The following POU2F1 variants were observed in gnomAD, a reference collection of about 807,000 sequenced individuals.
The protein encoded by POU2F1 is POU class 2 homeobox 1, also known as POU domain, class 2, transcription factor 1.
POU2F1 carries 16 observed loss-of-function variants against 84.9 expected under a neutral mutation model. That is an observed-to-expected ratio of 0.19 (90% CI 0.13 to 0.29). The LOEUF is 0.29. POU2F1 is among the 10% of genes least tolerant of loss of function. The probability of loss-of-function intolerance (pLI) is 1.00; values close to 1 mark genes in which losing one functional copy is unlikely to be tolerated. For synonymous variants in POU2F1, 368 were observed against 368.3 expected (o/e 1.00, Z 0.01); for missense variants, 738 against 942.6 (o/e 0.78, Z 2.84).
chr1:167,238,858 A>C (rs1338462287), intron 1 of POU2F1, among the ~76,000 whole-genome samples: 1 of 152,182 alleles, frequency 6.6e-6, no homozygotes, highest in African/African-American at 2.4e-5. Context: ...AGGTAGAGTG[A>C]TAAGATTTTC....
chr1:167,233,202 C>T (rs775088833), intron 1 of POU2F1, among the ~76,000 whole-genome samples: 1 of 150,126 alleles, frequency 6.7e-6, no homozygotes, highest in Non-Finnish European at 1.5e-5. Context: ...GTGGTGCAGT[C>T]ACAGCTGACT....
rs903681838 is a variant in POU2F1, at chr1:167,412,219, T to A, written c.1816T>A (p.Leu606Met). 2.5e-6 allele frequency: 4 copies of A among 1,609,732 alleles called. No individual in the cohort carries two copies. Among genetic ancestry groups the A allele is most frequent in the African/African-American group, 1.3e-5 (1 of 74,766 alleles). ...AAAALQGAAQ[L>M]PANASLAAMA... ...TGCTGCCCTTCAAGGAGCTGCACAG[T>A]TGCCAGCAAATGCCAGTCTTGCTGC... is the stretch of plus-strand genomic sequence containing the variant. Residue 606 changes from leucine (L) to methionine (M), a missense_variant, in exon 14 of 16, where the codon TTG becomes ATG. Transcript: ENST00000367866.
At position 167,371,962 on chromosome 1, in the gene POU2F1, C is replaced by G; in HGVS notation, c.328C>G (p.Pro110Ala). 3 of 1,614,198 alleles carry G rather than the reference C, an allele frequency of 1.9e-6. No homozygotes were observed. The highest frequency in any genetic ancestry group is 1.7e-6 in the Non-Finnish European group (2 of 1,180,016). The change falls in exon 5 of 16, where the codon CCT (proline) becomes GCT (alanine). Residue 110 changes from proline (P) to alanine (A), a missense_variant. By Grantham distance (27) the Pro-to-Ala change is conservative. Coordinates refer to ENST00000367866, the MANE Select transcript of POU2F1 (RefSeq NM_002697.4). ...GGGGGATTCGCAGCAGCCAAGCCAG[C>G]CTTCCCAGCAGCCTTCAGTGCAGGC... ...ESGDSQQPSQPSQQPSVQAAI... is the reference protein window; with the variant it reads ...ESGDSQQPSQASQQPSVQAAI...
At chr1:167,412,788 A>G (rs1466905937) in intron 14 of POU2F1, among the ~76,000 whole-genome samples, 1 of 152,236 alleles carries the variant, frequency 6.6e-6, no homozygotes, top group African/African-American at 2.4e-5. Context: ...TCTTTCAAAG[A>G]AGGGTCAAAA....
At chr1:167,250,865 A>G (rs1358472778) in intron 1 of POU2F1, among the ~76,000 whole-genome samples, 2 of 152,200 alleles carry the variant, frequency 1.3e-5, no homozygotes, top group Non-Finnish European at 2.9e-5. Context: ...AAATTTTGTT[A>G]CCTTCCCTAA....
intron 2 of POU2F1, among the ~76,000 whole-genome samples, chr1:167,340,295 G>C (rs1280485049): frequency 6.6e-6 from 1 of 152,022 alleles, no homozygotes; most frequent in Admixed American, 6.5e-5. Flanking sequence ...GGTCAGGCTG[G>C]TCTCGAACTC....
chr1:167,284,272 C>T (rs1653366400), intron 1 of POU2F1, among the ~76,000 whole-genome samples: 1 of 152,140 alleles, frequency 6.6e-6, no homozygotes, highest in South Asian at 2.1e-4. Flanking sequence ...AGAGTATTTA[C>T]ACCAAGTCTT....
At chr1:167,252,571 C>T (rs904721785) in intron 1 of POU2F1, among the ~76,000 whole-genome samples, 1 of 152,196 alleles carries the variant, frequency 6.6e-6, no homozygotes, top group Non-Finnish European at 1.5e-5. Context: ...TATTAAACTC[C>T]ATTGTTGGTA....
chr1:167,398,988 T>A (rs1056601612), intron 11 of POU2F1, among the ~76,000 whole-genome samples, 198 bp from the exon 12 acceptor site: 1 of 152,214 alleles, frequency 6.6e-6, no homozygotes, highest in Non-Finnish European at 1.5e-5. Flanking sequence ...GGATAACTTA[T>A]CCTAAGTTAA....
At chr1:167,407,610 T>C (rs1201707999) in intron 13 of POU2F1, among the ~76,000 whole-genome samples, 1 of 152,226 alleles carries the variant, frequency 6.6e-6, no homozygotes, top group Admixed American at 6.5e-5. Context: ...TTATGCTTTA[T>C]TGATTTTTGA....
chr1:167,389,554 G>A (rs1413956764), intron 8 of POU2F1, 34 bp from the exon 9 acceptor site: 1 of 1,611,838 alleles, frequency 6.2e-7, no homozygotes, highest in Admixed American at 1.7e-5. Flanking sequence ...CTCTTCACGT[G>A]TTTTTCCTCA....
chr1:167,366,734 T>C (rs147623151), intron 3 of POU2F1, among the ~76,000 whole-genome samples: 24 of 152,308 alleles, frequency 1.6e-4, no homozygotes, highest in African/African-American at 5.3e-4. Flanking sequence ...AAAATGAATT[T>C]TAAAATATAT....
intron 1 of POU2F1, among the ~76,000 whole-genome samples, chr1:167,234,723 T>C (rs918628372): frequency 5.9e-5 from 9 of 152,178 alleles, no homozygotes; most frequent in African/African-American, 2.2e-4. Flanking sequence ...GACAGAGCAA[T>C]ACCATGTCTG....
chr1:167,406,806 G>GTT (rs570104156), intron 13 of POU2F1, among the ~76,000 whole-genome samples: 132 of 152,134 alleles, frequency 8.7e-4, no homozygotes, highest in African/African-American at 3.2e-3. Flanking sequence ...AAACTTAAAA[G>GTT]AAGTGTAAGA....
chr1:167,378,199 G>T (rs926648419), intron 7 of POU2F1, among the ~76,000 whole-genome samples: 1 of 151,924 alleles, frequency 6.6e-6, no homozygotes, highest in Admixed American at 6.6e-5. Context: ...CCACAACCTC[G>T]CCAGCATCTG....
chr1:167,401,264 A>G (rs1293252427), intron 12 of POU2F1, among the ~76,000 whole-genome samples, 187 bp from the exon 13 acceptor site: 1 of 152,148 alleles, frequency 6.6e-6, no homozygotes, highest in African/African-American at 2.4e-5. Context: ...CGAACTTTTT[A>G]TTATTTATTT....
chr1:167,223,344 A>G (rs976101736), intron 1 of POU2F1, among the ~76,000 whole-genome samples: 2 of 152,212 alleles, frequency 1.3e-5, no homozygotes, highest in African/African-American at 4.8e-5. Flanking sequence ...TGAGAGGCAG[A>G]TTAACTTTTA....
chr1:167,247,495 T>C (rs1040861065), intron 1 of POU2F1, among the ~76,000 whole-genome samples: 2 of 152,210 alleles, frequency 1.3e-5, no homozygotes, highest in Non-Finnish European at 2.9e-5. Context: ...ATCCAAAGCT[T>C]CTTTTTGTTG....
chr1:167,399,041 C>A, intron 11 of POU2F1, 145 bp from the exon 12 acceptor site: 1 of 628,022 alleles, frequency 1.6e-6, no homozygotes, highest in Non-Finnish European at 2.6e-6. Context: ...GAACTTCTAT[C>A]TACACAATCT....
Sources: gnomAD v4.1 joint callset for allele counts (sites outside exome capture counted in the v4.1 genomes callset) on GRCh38, gnomAD v4.1.1 for gene constraint, MANE v1.5 for transcripts, NCBI Gene and HGNC (gene_info 2026-07-23, HGNC 2026-07-21) for gene names.